TENM3: variants seen among roughly 807,000 people sequenced by gnomAD.
The protein encoded by TENM3 is teneurin transmembrane protein 3, also known as teneurin-3.
Under a neutral mutation model 255.1 loss-of-function variants are expected in TENM3, and 63 were observed. The ratio of observed to expected loss-of-function variants is 0.25; its 90% CI spans 0.20 to 0.30. The LOEUF (loss-of-function observed/expected upper bound fraction) is 0.30, where lower values mean the gene tolerates loss of function less well. TENM3 is among the 10% of genes least tolerant of loss of function. The pLI is 1.00. For synonymous variants in TENM3, 1,306 were observed against 1,322.3 expected, an observed-to-expected ratio of 0.99 and a Z score of 0.27; for missense variants, 2,929 against 3,461.1, an observed-to-expected ratio of 0.85 and a Z score of 3.86.
chr4:182,237,539 C>A (rs1756975110), intron 1 of TENM3, among the ~76,000 whole-genome samples: 1 of 152,070 alleles, frequency 6.6e-6, no homozygotes, highest in South Asian at 2.1e-4. Context: ...CGTCTGTAAT[C>A]CCAGCACTTT....
the TENM3 span, among the ~76,000 whole-genome samples, chr4:181,854,719 G>T: frequency 6.6e-6 from 1 of 152,152 alleles, no homozygotes; most frequent in Non-Finnish European, 1.5e-5. Context: ...GGCCCAAGAA[G>T]TCAATCCCTG....
chr4:182,314,270 C>T (rs1762621723), intron 1 of TENM3, among the ~76,000 whole-genome samples: 1 of 151,748 alleles, frequency 6.6e-6, no homozygotes, highest in Non-Finnish European at 1.5e-5. Flanking sequence ...CACTACACTC[C>T]AGCCTGGGCG....
At chr4:182,424,363 G>T (rs2151155246) in intron 3 of TENM3, among the ~76,000 whole-genome samples, 1 of 152,114 alleles carries the variant, frequency 6.6e-6, no homozygotes, top group South Asian at 2.1e-4. Context: ...ATCTTTCCCA[G>T]ATTTGAGTCT....
intron 3 of TENM3, among the ~76,000 whole-genome samples, chr4:182,557,646 C>T (rs2151956893): frequency 6.6e-6 from 1 of 152,192 alleles, no homozygotes; most frequent in East Asian, 1.9e-4. Flanking sequence ...TAAATAGAAG[C>T]CACAGGGTAC....
chr4:182,314,332 T>G (rs1223956896), intron 1 of TENM3, among the ~76,000 whole-genome samples: 2 of 151,424 alleles, frequency 1.3e-5, no homozygotes, highest in Non-Finnish European at 2.9e-5. Flanking sequence ...GGGCTACGTG[T>G]TGTGTATTCC....
At chr4:182,569,577 A>C (rs906655834) in intron 3 of TENM3, among the ~76,000 whole-genome samples, 1 of 152,030 alleles carries the variant, frequency 6.6e-6, no homozygotes, top group East Asian at 1.9e-4. Context: ...AAAAAAAAGA[A>C]AGAAAGGAAA....
chr4:181,549,152 T>C, the TENM3 span, among the ~76,000 whole-genome samples: 3 of 152,192 alleles, frequency 2.0e-5, no homozygotes, highest in Admixed American at 2.0e-4. Flanking sequence ...CCCCTTACCC[T>C]ATACTCCCAC....
At chr4:182,512,821 T>C (rs945166858) in intron 3 of TENM3, among the ~76,000 whole-genome samples, 2 of 152,170 alleles carry the variant, frequency 1.3e-5, no homozygotes, top group South Asian at 2.1e-4. Flanking sequence ...AGGGTGGCAG[T>C]AAAATTGCTA....
At chr4:182,777,769 G>GCTC (rs1462370910) in intron 24 of TENM3, among the ~76,000 whole-genome samples, 1 of 149,728 alleles carries the variant, frequency 6.7e-6, no homozygotes, top group Admixed American at 6.7e-5. Context: ...TGTTGGCCAG[G>GCTC]CTGGTCTTGA....
At chr4:182,497,843 A>AAATATATATAT (rs1735924941) in intron 3 of TENM3, among the ~76,000 whole-genome samples, 1 of 90,108 alleles carries the variant, frequency 1.1e-5, no homozygotes, top group African/African-American at 6.0e-5. Context: ...CTCTACTAAA[A>AAATATATATAT]ATACATATAT....
intron 1 of TENM3, among the ~76,000 whole-genome samples, chr4:182,295,252 T>C (rs1353550252): frequency 6.9e-6 from 1 of 145,504 alleles, no homozygotes; most frequent in Non-Finnish European, 1.5e-5. Flanking sequence ...GTATATGTGC[T>C]TTGCTTTTCT....
At chr4:182,172,362 CAG>C (rs1752165371) in intron 1 of TENM3, among the ~76,000 whole-genome samples, 1 of 152,094 alleles carries the variant, frequency 6.6e-6, no homozygotes, top group Non-Finnish European at 1.5e-5. Context: ...CAATACAAAA[CAG>C]TATCTAATTC....
chr4:182,164,385 T>A lies in TENM3; in HGVS notation c.-76+19631T>A, dbSNP rs1751570119. On this transcript the variant is annotated intron_variant, in intron 1 of 2. Coordinates refer to the TENM3 transcript ENST00000512480. ...ACTCATCACATTGTCTAGTTAATAT[T>A]GCTTTCTAAGTATCTCAAAATCATC... Among the ~76,000 whole-genome samples, 2 of 152,188 alleles carry A rather than the reference T, an allele frequency of 1.3e-5. 1 individual carries two copies. The highest frequency in any genetic ancestry group is 4.1e-4 in the South Asian group (2 of 4,826).
At chr4:182,421,918 G>A (rs995400481) in intron 3 of TENM3, among the ~76,000 whole-genome samples, 6 of 152,052 alleles carry the variant, frequency 3.9e-5, no homozygotes, top group Non-Finnish European at 7.3e-5. Flanking sequence ...GATGACCATT[G>A]GCTGAAGGTC....
At chr4:182,784,308 C>G (rs1197139801) in intron 24 of TENM3, among the ~76,000 whole-genome samples, 1 of 152,056 alleles carries the variant, frequency 6.6e-6, no homozygotes, top group African/African-American at 2.4e-5. Context: ...TTGGAATACC[C>G]TGCCGTGTGA....
At chr4:181,490,030 T>C in the TENM3 span, among the ~76,000 whole-genome samples, 1 of 152,166 alleles carries the variant, frequency 6.6e-6, no homozygotes, top group African/African-American at 2.4e-5. Flanking sequence ...AGTTCTTCAG[T>C]TTTTTGTTAT....
the TENM3 span, among the ~76,000 whole-genome samples, chr4:181,867,463 A>G: frequency 6.6e-6 from 1 of 152,160 alleles, no homozygotes; most frequent in South Asian, 2.1e-4. Context: ...CCTGACTCCC[A>G]GAACATTTGA....
the TENM3 span, among the ~76,000 whole-genome samples, chr4:181,465,721 C>A: frequency 6.6e-5 from 10 of 152,118 alleles, no homozygotes; most frequent in Non-Finnish European, 1.2e-4. Flanking sequence ...GACTGACATT[C>A]CCAAGGCCTC....
chr4:181,844,144 T>G, the TENM3 span, among the ~76,000 whole-genome samples: 2 of 152,070 alleles, frequency 1.3e-5, no homozygotes, highest in Admixed American at 1.3e-4. Context: ...CCATGGTAAC[T>G]AACCGACTCC....
Sources: allele counts gnomAD v4.1 joint callset (sites outside exome capture counted in the v4.1 genomes callset), GRCh38; gene constraint gnomAD v4.1.1; transcripts MANE v1.5; gene names NCBI Gene and HGNC (gene_info 2026-07-23, HGNC 2026-07-21).